The following HHIP variants were observed in gnomAD, a reference collection of about 807,000 sequenced individuals.
HHIP encodes hedgehog interacting protein.
A neutral mutation model predicts 74.0 loss-of-function variants in HHIP; 12 were observed. The observed-to-expected ratio is 0.16, with a 90% CI of 0.10 to 0.26. HHIP has a LOEUF of 0.26. Among genes scored for constraint, HHIP ranks in the 10% least tolerant of loss-of-function variants. The pLI is 1.00. For missense variants in HHIP, 788 were observed against 845.0 expected, an observed-to-expected ratio of 0.93 and a Z score of 0.84; for synonymous variants, 309 against 311.6, an observed-to-expected ratio of 0.99 and a Z score of 0.09.
intron 2 of HHIP, among the ~76,000 whole-genome samples, chr4:144,653,480 G>A (rs1728479202): frequency 6.6e-6 from 1 of 151,954 alleles, no homozygotes; most frequent in African/African-American, 2.4e-5. Context: ...TTGTAGTTTG[G>A]ACTCCAATAA....
chr4:144,725,738 G>A (rs976818413), intron 11 of HHIP, among the ~76,000 whole-genome samples: 3 of 151,900 alleles, frequency 2.0e-5, no homozygotes, highest in East Asian at 1.9e-4. Flanking sequence ...GCACGATCTC[G>A]GCTCACTGCA....
At chr4:144,732,543 A>C (rs1256450003) in intron 11 of HHIP, among the ~76,000 whole-genome samples, 1 of 152,180 alleles carries the variant, frequency 6.6e-6, no homozygotes, top group Admixed American at 6.5e-5. Flanking sequence ...ACTCTCCCCT[A>C]AAGAATAGCC....
chr4:144,725,731 C>T (rs777690540), intron 11 of HHIP, among the ~76,000 whole-genome samples: 4 of 152,102 alleles, frequency 2.6e-5, no homozygotes, highest in East Asian at 3.9e-4. Flanking sequence ...TGCAATGGCA[C>T]GATCTCGGCT....
intron 7 of HHIP, 106 bp from the exon 8 acceptor site, chr4:144,711,844 G>A: frequency 9.5e-7 from 1 of 1,057,774 alleles, no homozygotes; most frequent in South Asian, 1.8e-5. Context: ...ATTGCCATAG[G>A]ATCCTTGCCA....
At chr4:144,717,118 T>C (rs1730476118) in intron 10 of HHIP, among the ~76,000 whole-genome samples, 1 of 152,122 alleles carries the variant, frequency 6.6e-6, no homozygotes. Flanking sequence ...CAACCCTGTA[T>C]ATACCTCATA....
chr4:144,699,404 C>A (rs1372322704), intron 4 of HHIP, among the ~76,000 whole-genome samples: 2 of 152,100 alleles, frequency 1.3e-5, no homozygotes, highest in Admixed American at 6.6e-5. Context: ...CTGGGTGTGC[C>A]ACTCTCTGTG....
At chr4:144,680,293 T>G (rs549926403) in intron 4 of HHIP, among the ~76,000 whole-genome samples, 1 of 152,340 alleles carries the variant, frequency 6.6e-6, no homozygotes, top group South Asian at 2.1e-4. Flanking sequence ...AAAGCAATGT[T>G]TAATTTACTT....
intron 4 of HHIP, among the ~76,000 whole-genome samples, chr4:144,698,627 TTGGA>T (rs1729889105): frequency 1.3e-5 from 2 of 152,108 alleles, no homozygotes; most frequent in Non-Finnish European, 2.9e-5. Context: ...ATTCCGTTAA[TTGGA>T]CTAAGTTTAA....
At chr4:144,710,567 T>G (rs1730267832) in intron 7 of HHIP, among the ~76,000 whole-genome samples, 1 of 152,240 alleles carries the variant, frequency 6.6e-6, no homozygotes, top group African/African-American at 2.4e-5. Context: ...TTAAATTTCT[T>G]TATTAGCTCC....
intron 4 of HHIP, among the ~76,000 whole-genome samples, chr4:144,669,648 A>C (rs1233789157): frequency 2.0e-5 from 3 of 152,220 alleles, no homozygotes; most frequent in African/African-American, 7.2e-5. Flanking sequence ...AATGTCAATG[A>C]ATATGATCTA....
intron 6 of HHIP, among the ~76,000 whole-genome samples, chr4:144,707,889 G>A (rs1444829114): frequency 6.6e-6 from 1 of 152,058 alleles, no homozygotes; most frequent in Non-Finnish European, 1.5e-5. Context: ...CCGCCTGGCC[G>A]CATGCCACCA....
chr4:144,704,072 T>C (rs945188793), intron 4 of HHIP, among the ~76,000 whole-genome samples: 19 of 152,228 alleles, frequency 1.2e-4, no homozygotes, highest in Non-Finnish European at 1.5e-5. Flanking sequence ...GGAGTATATC[T>C]ATCTGTCCTT....
At chr4:144,689,429 C>G (rs963441700) in intron 4 of HHIP, among the ~76,000 whole-genome samples, 1 of 152,164 alleles carries the variant, frequency 6.6e-6, no homozygotes, top group Admixed American at 6.5e-5. Flanking sequence ...AATACTTTGC[C>G]TGATGTTTTC....
intron 11 of HHIP, among the ~76,000 whole-genome samples, chr4:144,732,634 G>A (rs187641615): frequency 2.6e-5 from 4 of 152,088 alleles, no homozygotes; most frequent in South Asian, 2.1e-4. Context: ...ACTTTGCCTC[G>A]AACAGGCAAT....
chr4:144,721,661 G>A (rs868170708), intron 11 of HHIP, among the ~76,000 whole-genome samples: 2 of 151,496 alleles, frequency 1.3e-5, no homozygotes, highest in Non-Finnish European at 2.9e-5. Flanking sequence ...AGCACTTTGG[G>A]AGGCCAAGGT....
chr4:144,665,306 C>T (rs1477619662), intron 4 of HHIP, among the ~76,000 whole-genome samples: 1 of 152,108 alleles, frequency 6.6e-6, no homozygotes, highest in Non-Finnish European at 1.5e-5. Context: ...TGGACTCAAG[C>T]AATGCACCTG....
intron 11 of HHIP, among the ~76,000 whole-genome samples, chr4:144,728,278 T>A (rs1255211404): frequency 6.6e-6 from 1 of 152,154 alleles, no homozygotes; most frequent in African/African-American, 2.4e-5. Flanking sequence ...GCAAGTGAGT[T>A]CAACCTGTGA....
At position 144,715,322 on chromosome 4, in the gene HHIP, A is replaced by T. The variant is rs367562839; in HGVS notation, c.1570A>T (p.Ser524Cys). 15 of 1,613,158 alleles carry T rather than the reference A, an allele frequency of 9.3e-6. No homozygotes were observed. Among genetic ancestry groups the T allele is most frequent in the Non-Finnish European group, 1.2e-5 (14 of 1,179,400 alleles). The part of the protein sequence containing the change: ...RNGNFLTLQQ[S>C]PVTKQWQEKP... ...TAGGAATTTCCTAACTCTCCAGCAA[A>T]GTCCTGTGACAAAGCAGTGGCAAGA... Residue 524 changes from serine (S) to cysteine (C), a missense_variant, in exon 10 of 13, where the codon AGT (serine) becomes TGT (cysteine). Coordinates refer to ENST00000296575, the MANE Select transcript of HHIP (RefSeq NM_022475.3).
chr4:144,646,869 G>T lies in HHIP; in HGVS notation c.194G>T (p.Gly65Val), dbSNP rs1257423462. The change falls in exon 1 of 13, where the codon GGA becomes GTA. Residue 65 changes from glycine (G) to valine (V), a missense_variant. This residue lies in a region of HHIP where 373 missense variants were observed against 366.4 expected (regional missense o/e 1.02). Coordinates refer to ENST00000296575, the MANE Select transcript of HHIP (RefSeq NM_022475.3). Reference sequence around the variant, plus strand: ...TCCCAGCTGGAGCTGCTGAGTGGGGGAGAGATGCTGTGCGGTGGCTTCTAC... The same window carrying T: ...TCCCAGCTGGAGCTGCTGAGTGGGGTAGAGATGCTGTGCGGTGGCTTCTAC... ...MMSQLELLSG[G>V]EMLCGGFYPR... 7 of 1,614,210 alleles carry T rather than the reference G, an allele frequency of 4.3e-6. No individual in the cohort carries two copies. Among genetic ancestry groups the T allele is most frequent in the Non-Finnish European group, 5.9e-6 (7 of 1,180,034 alleles).
Sources: gnomAD v4.1 joint callset for allele counts (sites outside exome capture counted in the v4.1 genomes callset) on GRCh38, gnomAD v4.1.1 for gene constraint, gnomAD v4.1.1 regional missense constraint, MANE v1.5 for transcripts, NCBI Gene and HGNC (gene_info 2026-07-23, HGNC 2026-07-21) for gene names.